GPATCH2: variants seen among roughly 807,000 people sequenced by gnomAD.
The protein encoded by GPATCH2 is G-patch domain containing 2.
A neutral mutation model predicts 58.0 loss-of-function variants in GPATCH2; 51 were observed. The ratio of observed to expected loss-of-function variants is 0.88; its 90% CI spans 0.70 to 1.11. The LOEUF (loss-of-function observed/expected upper bound fraction) is 1.11, where lower values mean the gene tolerates loss of function less well. GPATCH2 is among the 50% of genes most tolerant of loss of function. The pLI, the probability that GPATCH2 is intolerant of heterozygous loss-of-function variation, is 0.00. For synonymous variants in GPATCH2, 222 were observed against 218.5 expected, an observed-to-expected ratio of 1.02 and a Z score of -0.14; for missense variants, 625 against 652.2, an observed-to-expected ratio of 0.96 and a Z score of 0.45.
intron 5 of GPATCH2, among the ~76,000 whole-genome samples, chr1:217,537,268 ACC>A (rs1664522191): frequency 2.0e-5 from 3 of 152,128 alleles, no homozygotes; most frequent in Non-Finnish European, 2.9e-5. Flanking sequence ...GCACATGTCT[ACC>A]CTGCTAGGTA....
intron 5 of GPATCH2, among the ~76,000 whole-genome samples, chr1:217,564,492 G>A (rs926468511): frequency 4.6e-5 from 7 of 151,588 alleles, no homozygotes; most frequent in African/African-American, 9.7e-5. Context: ...AGTTTTCTCC[G>A]GCACGGCAAA....
intron 8 of GPATCH2, among the ~76,000 whole-genome samples, chr1:217,469,615 T>G (rs938198251): frequency 6.6e-6 from 1 of 152,084 alleles, no homozygotes; most frequent in Admixed American, 6.6e-5. Context: ...TTATCTAAAA[T>G]GAGTGATAGC....
intron 9 of GPATCH2, among the ~76,000 whole-genome samples, chr1:217,432,739 G>A (rs1389089084): frequency 6.6e-6 from 1 of 152,116 alleles, no homozygotes; most frequent in East Asian, 1.9e-4. Context: ...TAATATTGCA[G>A]TCTTTGAGAA....
At chr1:217,462,368 T>C (rs1660235077) in intron 8 of GPATCH2, among the ~76,000 whole-genome samples, 1 of 152,198 alleles carries the variant, frequency 6.6e-6, no homozygotes, top group African/African-American at 2.4e-5. Context: ...CAAAATGTTG[T>C]CACTTTTCTT....
chr1:217,628,828 C>T (rs1024223538), intron 1 of GPATCH2, among the ~76,000 whole-genome samples: 3 of 152,148 alleles, frequency 2.0e-5, no homozygotes, highest in Admixed American at 2.0e-4. Flanking sequence ...AAAATCCAGA[C>T]TGGTTAACAA....
At chr1:217,565,756 TA>T (rs35012857) in intron 5 of GPATCH2, among the ~76,000 whole-genome samples, 60,127 of 151,796 alleles carry the variant, frequency 0.4, 14,012 homozygotes, top group East Asian at 0.75. Context: ...AAAACGTATA[TA>T]AAAAAAAGTT....
intron 1 of GPATCH2, among the ~76,000 whole-genome samples, chr1:217,628,195 G>A (rs1418118734): frequency 2.6e-5 from 4 of 151,902 alleles, no homozygotes; most frequent in African/African-American, 7.2e-5. Flanking sequence ...GCAAACCAAT[G>A]AATGACTAAA....
At chr1:217,465,037 C>G (rs1217277695) in intron 8 of GPATCH2, among the ~76,000 whole-genome samples, 1 of 151,366 alleles carries the variant, frequency 6.6e-6, no homozygotes, top group Non-Finnish European at 1.5e-5. Context: ...AATAAAGGGA[C>G]TGGATAGAAG....
chr1:217,458,721 A>G (rs1032343792), intron 8 of GPATCH2, among the ~76,000 whole-genome samples: 3 of 152,058 alleles, frequency 2.0e-5, no homozygotes, highest in African/African-American at 7.2e-5. Flanking sequence ...TCTGTTTCCT[A>G]ATTCTGCCCA....
chr1:217,541,498 G>C (rs1469777913), intron 5 of GPATCH2, among the ~76,000 whole-genome samples: 1 of 152,094 alleles, frequency 6.6e-6, no homozygotes, highest in Admixed American at 6.6e-5. Context: ...ACAGTCTTGT[G>C]AGTCACTAGG....
chr1:217,450,648 T>C (rs1659619513), intron 8 of GPATCH2, among the ~76,000 whole-genome samples: 1 of 152,136 alleles, frequency 6.6e-6, no homozygotes. Flanking sequence ...TGTTACAAAA[T>C]AATTATAATT....
intron 5 of GPATCH2, among the ~76,000 whole-genome samples, chr1:217,547,165 C>T (rs74727121): frequency 0.23 from 34,716 of 151,932 alleles, 4,926 homozygotes; most frequent in East Asian, 0.45. Context: ...AGTTCAAGAC[C>T]ACCCTGGCCA....
Position 217,611,098 on chromosome 1 carries a change from C to CA in GPATCH2, c.836-28dup, listed in dbSNP as rs1553353196. 4.4e-6 allele frequency: 7 copies of CA among 1,577,598 alleles called. No homozygotes were observed. The Admixed American group carries it at 5.4e-5, about 12-fold the overall frequency. ...TGTGCAAATACAAGAAACCCCCCCC[C>CA]ACCAAAGACTCAGTTTTATCATCCA... On this transcript the variant is annotated intron_variant, in intron 3 of 9. Coordinates refer to ENST00000366935, the MANE Select transcript of GPATCH2 (RefSeq NM_018040.5).
intron 5 of GPATCH2, among the ~76,000 whole-genome samples, chr1:217,541,965 A>G (rs931745856): frequency 6.6e-6 from 1 of 152,216 alleles, no homozygotes; most frequent in Non-Finnish European, 1.5e-5. Flanking sequence ...TTTTTTATAG[A>G]AAGACCAAAC....
At chr1:217,614,313 C>A in intron 2 of GPATCH2, 111 bp from the exon 3 acceptor site, 1 of 652,718 alleles carries the variant, frequency 1.5e-6, no homozygotes, top group Admixed American at 2.5e-5. Context: ...TGACAAAGAT[C>A]TGAAAGAAAA....
intron 5 of GPATCH2, among the ~76,000 whole-genome samples, chr1:217,586,743 T>G (rs943897174): frequency 6.6e-6 from 1 of 152,230 alleles, no homozygotes; most frequent in Non-Finnish European, 1.5e-5. Context: ...GTCATTTGTT[T>G]ACACCAGAAT....
intron 6 of GPATCH2, chr1:217,498,597 C>G: frequency 1.7e-6 from 1 of 593,718 alleles, no homozygotes; most frequent in Non-Finnish European, 3.0e-6. Flanking sequence ...TGGTAATTTT[C>G]AATTTAATAA....
At chr1:217,482,417 G>A (rs1410385341) in intron 8 of GPATCH2, among the ~76,000 whole-genome samples, 3 of 152,148 alleles carry the variant, frequency 2.0e-5, no homozygotes, top group African/African-American at 4.8e-5. Context: ...GAGAATTGAA[G>A]GAAATGAGGA....
At chr1:217,567,933 G>A (rs1436586962) in intron 5 of GPATCH2, among the ~76,000 whole-genome samples, 4 of 152,146 alleles carry the variant, frequency 2.6e-5, no homozygotes, top group Non-Finnish European at 5.9e-5. Context: ...TGGCTAACAT[G>A]GTGAAACCCC....
Sources: gnomAD v4.1 joint callset for allele counts (sites outside exome capture counted in the v4.1 genomes callset) on GRCh38, gnomAD v4.1.1 for gene constraint, MANE v1.5 for transcripts, NCBI Gene and HGNC (gene_info 2026-07-23, HGNC 2026-07-21) for gene names.